TRHDE: variants seen among roughly 807,000 people sequenced by gnomAD.
TRHDE encodes thyrotropin releasing hormone degrading enzyme.
Under a neutral mutation model 125.7 loss-of-function variants are expected in TRHDE, and 72 were observed. That is an observed-to-expected ratio of 0.57 (90% CI 0.47 to 0.70). TRHDE has a LOEUF of 0.70. Among genes scored for constraint, TRHDE ranks in the 30% least tolerant of loss-of-function variants. The pLI, the probability that TRHDE is intolerant of heterozygous loss-of-function variation, is 0.00. For missense variants in TRHDE, 1,110 were observed against 1,327.1 expected (o/e 0.84, Z 2.54); for synonymous variants, 509 against 509.1 (o/e 1.00, Z 0.00).
chr12:72,197,043 A>T (rs970915345), intron 2 of TRHDE, among the ~76,000 whole-genome samples: 1 of 152,154 alleles, frequency 6.6e-6, no homozygotes, highest in East Asian at 1.9e-4. Flanking sequence ...GCAAAATTCA[A>T]CAGTCAATAT....
chr12:72,395,721 T>TTGACTTGA, intron 3 of TRHDE, among the ~76,000 whole-genome samples: 1 of 152,328 alleles, frequency 6.6e-6, no homozygotes, highest in South Asian at 2.1e-4. Context: ...TATGCCTGCA[T>TTGACTTGA]TGACTTGATG....
intron 1 of TRHDE, among the ~76,000 whole-genome samples, chr12:72,094,421 C>T (rs1874863969): frequency 6.6e-6 from 1 of 152,216 alleles, no homozygotes; most frequent in Admixed American, 6.5e-5. Flanking sequence ...TGGTGGTTCC[C>T]TAGGTGGGCA....
At chr12:72,658,033 A>G (rs760302642) in intron 18 of TRHDE, among the ~76,000 whole-genome samples, 11 of 152,082 alleles carry the variant, frequency 7.2e-5, no homozygotes, top group Non-Finnish European at 1.3e-4. Context: ...CCAGTTTCCT[A>G]TGATTATCCC....
intron 2 of TRHDE, among the ~76,000 whole-genome samples, chr12:72,318,577 C>T (rs912161147): frequency 1.3e-5 from 2 of 152,120 alleles, no homozygotes; most frequent in East Asian, 1.9e-4. Context: ...CACCACGGCC[C>T]AGCTGTGAGT....
intron 5 of TRHDE, among the ~76,000 whole-genome samples, chr12:72,481,652 CAA>C (rs1162034034): frequency 6.7e-6 from 1 of 148,470 alleles, no homozygotes; most frequent in African/African-American, 2.5e-5. Context: ...ACCATTAATT[CAA>C]AAGATATTTT....
rs1592575561 is a variant in TRHDE, at chr12:72,618,328, A to T, written c.2322-563A>T. Among the ~76,000 whole-genome samples, 3 of 152,246 alleles carry T rather than the reference A, an allele frequency of 2.0e-5. No homozygotes were observed. In the East Asian group the frequency reaches 5.8e-4, roughly 29 times the overall value. ...TTCTTTTAACATTTTTGTAATTTGG[A>T]CTTTATTAAAACCTAACTCAGATTT... On this transcript the variant is annotated intron_variant, in intron 12 of 18. Coordinates refer to ENST00000261180, the MANE Select transcript of TRHDE (RefSeq NM_013381.3).
intron 2 of TRHDE, among the ~76,000 whole-genome samples, chr12:72,355,722 C>T (rs1028328451): frequency 6.6e-6 from 1 of 151,560 alleles, no homozygotes; most frequent in Non-Finnish European, 1.5e-5. Flanking sequence ...AAAACAACCC[C>T]ATTAAAAAGA....
chr12:72,450,684 T>C (rs1875527743), intron 3 of TRHDE, among the ~76,000 whole-genome samples: 1 of 152,090 alleles, frequency 6.6e-6, no homozygotes, highest in Admixed American at 6.5e-5. Flanking sequence ...GATCATATGA[T>C]AATTCTATTT....
intron 15 of TRHDE, among the ~76,000 whole-genome samples, chr12:72,630,427 G>A (rs1264247208): frequency 1.3e-5 from 2 of 151,684 alleles, no homozygotes; most frequent in Admixed American, 1.3e-4. Context: ...TTTTCCCTTA[G>A]AGTCTTCAGG....
chr12:72,271,841 C>T (rs1309006730), upstream of TRHDE: 1 of 446,374 alleles, frequency 2.2e-6, no homozygotes, highest in Admixed American at 2.4e-5. Flanking sequence ...GATGGCCCGG[C>T]CGGACACTTC....
intron 3 of TRHDE, among the ~76,000 whole-genome samples, chr12:72,410,655 G>A (rs988845120): frequency 2.6e-5 from 4 of 152,048 alleles, no homozygotes; most frequent in African/African-American, 9.7e-5. Context: ...AACAATAAAA[G>A]TCAACATCTA....
chr12:72,377,796 C>T (rs1232796442), intron 2 of TRHDE, among the ~76,000 whole-genome samples, 199 bp from the exon 3 acceptor site: 1 of 152,076 alleles, frequency 6.6e-6, no homozygotes, highest in Non-Finnish European at 1.5e-5. Context: ...TTGTGACTTG[C>T]TCTCCTTGGT....
In TRHDE at chr12:72,668,396, C is replaced by A. The variant is rs2136122223; in HGVS notation, c.*5201C>A. 6.6e-6 allele frequency: 1 copy of A among 151,804 alleles called. No individual in the cohort carries two copies. The highest frequency in any genetic ancestry group is 2.4e-5 in the African/African-American group (1 of 41,532). The allele number at this position is 151,804 out of a possible 1,614,324, so 9.4% of individuals were successfully genotyped here. A position where few individuals can be genotyped will look rare whatever the true frequency, so the allele number is the denominator to read the frequency against. The stretch of plus-strand genomic sequence containing the variant: ...TAAATAGGTTTTTCACCACTGGCCC[C>A]ACTAGTAGATGATTTTACCCCAGAT... On this transcript the variant is annotated 3_prime_UTR_variant, in exon 19 of 19. Coordinates refer to ENST00000261180, the MANE Select transcript of TRHDE (RefSeq NM_013381.3).
chr12:72,268,521 T>C (rs1275864705), upstream of TRHDE, among the ~76,000 whole-genome samples: 1 of 152,016 alleles, frequency 6.6e-6, no homozygotes, highest in Non-Finnish European at 1.5e-5. Flanking sequence ...GTTAGGACAA[T>C]AGAGGAAGAT....
chr12:72,472,576 T>C (rs984669702), intron 4 of TRHDE, among the ~76,000 whole-genome samples: 1 of 152,184 alleles, frequency 6.6e-6, no homozygotes, highest in Non-Finnish European at 1.5e-5. Context: ...ACATACCTCC[T>C]GTGATGAACT....
At chr12:72,161,663 T>C (rs1329755624) in intron 2 of TRHDE, among the ~76,000 whole-genome samples, 1 of 152,208 alleles carries the variant, frequency 6.6e-6, no homozygotes. Context: ...TACTGGAAGA[T>C]AAGCTTTTTA....
Position 72,577,278 on chromosome 12 carries a change from CTT to C in TRHDE, c.2321+1739_2321+1740del, listed in dbSNP as rs1871039977. Among the ~76,000 whole-genome samples the C allele has an allele frequency of 6.6e-5, 10 of 152,180 alleles. No homozygotes were observed. In the South Asian group the frequency reaches 2.1e-3, roughly 32 times the overall value. ...TTTAGCACTTTTAAGGAGCCAAATGCTTTTCTATTTTATATATAGTAATTTGT... is the reference window on the plus strand; with the variant it reads ...TTTAGCACTTTTAAGGAGCCAAATGCTTCTATTTTATATATAGTAATTTGT... On this transcript the variant is annotated intron_variant, in intron 12 of 18. Transcript: ENST00000261180.
rs1879341417 is a variant in TRHDE, at chr12:72,273,451, C to G, written c.808C>G (p.Leu270Val). The change falls in exon 1 of 19, where the codon CTG becomes GTG. Residue 270 changes from leucine to valine, a missense_variant. Transcript: ENST00000261180. The surrounding 1 kb of genome is among the most constrained non-coding windows in gnomAD (Gnocchi z 5.3). ...CTTAGTGGTGGTGCTGAATAGGACA[C>G]TGGACGCGCAGAGGAATTACAATCT... ...QVLVVVLNRT[L>V]DAQRNYNLKI... The G allele has an allele frequency of 6.2e-7, 1 of 1,614,104 alleles. No individual in the cohort carries two copies. The highest frequency in any genetic ancestry group is 8.5e-7 in the Non-Finnish European group (1 of 1,180,038).
chr12:72,159,847 G>A (rs902821605), intron 2 of TRHDE, among the ~76,000 whole-genome samples: 20 of 151,992 alleles, frequency 1.3e-4, no homozygotes, highest in African/African-American at 4.6e-4. Flanking sequence ...CTCCCATGGT[G>A]TTTCTTTTTT....
Sources: allele counts gnomAD v4.1 joint callset (sites outside exome capture counted in the v4.1 genomes callset), GRCh38; gene constraint gnomAD v4.1.1; non-coding constraint Gnocchi (gnomAD v3.1); transcripts MANE v1.5; gene names NCBI Gene and HGNC (gene_info 2026-07-23, HGNC 2026-07-21).